TRIP11: variants seen among roughly 807,000 people sequenced by gnomAD.
TRIP11 encodes thyroid receptor-interacting protein 11.
Under a neutral mutation model 223.1 loss-of-function variants are expected in TRIP11, and 148 were observed. The observed-to-expected ratio is 0.66, with a 90% confidence interval of 0.58 to 0.76. The LOEUF (loss-of-function observed/expected upper bound fraction) is 0.76, where lower values mean the gene tolerates loss of function less well. Ranked by LOEUF, TRIP11 falls within the 30% of genes least tolerant of loss-of-function variation. The pLI, the probability that TRIP11 is intolerant of heterozygous loss-of-function variation, is 0.00. For synonymous variants in TRIP11, 762 were observed against 772.6 expected (o/e 0.99, Z 0.23); for missense variants, 2,043 against 2,222.0 (o/e 0.92, Z 1.62).
intron 9 of TRIP11, among the ~76,000 whole-genome samples, chr14:92,010,446 C>T (rs1259792477): frequency 6.6e-6 from 1 of 152,146 alleles, no homozygotes; most frequent in Admixed American, 6.5e-5. Flanking sequence ...AGGAGAATCG[C>T]TTGAACCCGG....
chr14:91,999,135 G>GA (rs1297919702), intron 13 of TRIP11, 105 bp downstream of exon 13: 2 of 1,246,550 alleles, frequency 1.6e-6, no homozygotes, highest in Non-Finnish European at 2.3e-6. Context: ...ATAAAATACA[G>GA]ATAATGAATT....
Position 92,021,743 on chromosome 14 carries a change from C to G in TRIP11, c.401G>C (p.Gly134Ala). 6.2e-7 allele frequency: 1 copy of G among 1,614,112 alleles called. No individual in the cohort carries two copies. The highest frequency in any genetic ancestry group is 8.5e-7 in the Non-Finnish European group (1 of 1,180,012). The change falls in exon 4 of 21, where the codon GGA becomes GCA. Residue 134 changes from glycine (G) to alanine (A), a missense_variant. Gly to Ala is a moderately conservative substitution (Grantham distance 60). Transcript: ENST00000267622. Reference sequence around the variant, plus strand: ...TGCAGTGGTTGCTGGTACACCAGCTCCTGAAGGTACTGACTGAGCAGCTGA... The same window carrying G: ...TGCAGTGGTTGCTGGTACACCAGCTGCTGAAGGTACTGACTGAGCAGCTGA... ...LQSAAQSVPS[G>A]AGVPATTASS...
chr14:92,010,931 C>T, intron 9 of TRIP11, 55 bp downstream of exon 9: 2 of 1,522,690 alleles, frequency 1.3e-6, no homozygotes, highest in Admixed American at 3.3e-5. Flanking sequence ...TGGCCCTTGG[C>T]TGTGACCTGT....
chr14:92,034,281 G>A (rs1298371269), intron 1 of TRIP11, among the ~76,000 whole-genome samples: 1 of 152,066 alleles, frequency 6.6e-6, no homozygotes, highest in African/African-American at 2.4e-5. Context: ...AAATTAGCCG[G>A]GTGTGGTGGC....
In TRIP11 at chr14:91,975,052, C is replaced by T. The variant is rs563271049; in HGVS notation, c.5457+120G>A. On this transcript the variant is annotated intron_variant, in intron 18 of 20. Coordinates refer to ENST00000267622, the MANE Select transcript of TRIP11 (RefSeq NM_004239.4). Reference sequence around the variant, plus strand: ...TCTTCAATGTTGTATGAAGTAATTCCATTTCCACACTGAGAAAATTACACT... The same window carrying T: ...TCTTCAATGTTGTATGAAGTAATTCTATTTCCACACTGAGAAAATTACACT... The T allele has an allele frequency of 1.4e-5, 13 of 932,080 alleles. 1 individual carries two copies. The South Asian group carries it at 1.8e-4, about 13-fold the overall frequency. 57.7% of individuals were successfully genotyped at this position (932,080 alleles called of 1,614,324 possible).
intron 5 of TRIP11, among the ~76,000 whole-genome samples, chr14:92,017,230 A>C (rs1245316144): frequency 6.6e-6 from 1 of 152,144 alleles, no homozygotes; most frequent in Non-Finnish European, 1.5e-5. Context: ...ATAAATAATA[A>C]AGAATATTAA....
At chr14:92,020,880 G>A (rs993687781) in intron 4 of TRIP11, among the ~76,000 whole-genome samples, 9 of 151,222 alleles carry the variant, frequency 6.0e-5, no homozygotes, top group Non-Finnish European at 1.3e-4. Flanking sequence ...GACCAGCCTG[G>A]CCAACATAGT....
At position 91,968,506 on chromosome 14, in the gene TRIP11, G is replaced by A. The variant is rs1032291331; in HGVS notation, c.*1167C>T. ...TCAACACCGCAGACGGAGGCAGGAA[G>A]TGGCATGTTCAGTGATTTTGCTAAT... On this transcript the variant is annotated 3_prime_UTR_variant, in exon 21 of 21. Coordinates refer to ENST00000267622, the MANE Select transcript of TRIP11 (RefSeq NM_004239.4). The A allele has an allele frequency of 4.6e-6, 1 of 217,086 alleles. No homozygotes were observed. Among genetic ancestry groups the A allele is most frequent in the African/African-American group, 2.3e-5 (1 of 44,370 alleles). The allele number at this position is 217,086 out of a possible 1,614,324, so 13.4% of individuals were successfully genotyped here. A position where few individuals can be genotyped will look rare whatever the true frequency, so the allele number is the denominator to read the frequency against.
At chr14:91,980,227 T>A (rs2140088620) in intron 16 of TRIP11, among the ~76,000 whole-genome samples, 1 of 152,344 alleles carries the variant, frequency 6.6e-6, no homozygotes, top group South Asian at 2.1e-4. Context: ...ATTTCATTTG[T>A]AATTAATGAC....
At position 92,011,837 on chromosome 14, in the gene TRIP11, A is replaced by G. The variant is rs372640498; in HGVS notation, c.1187-42T>C. On this transcript the variant is annotated intron_variant, in intron 7 of 20. Coordinates refer to ENST00000267622, the MANE Select transcript of TRIP11 (RefSeq NM_004239.4). ...TGAACTTGACATTAAAATTATTTAGAGTAACTTATTATCTTCAATATTAAA... is the reference window on the plus strand; with the variant it reads ...TGAACTTGACATTAAAATTATTTAGGGTAACTTATTATCTTCAATATTAAA... 1.9e-6 allele frequency: 3 copies of G among 1,582,922 alleles called. No homozygotes were observed. In the African/African-American group the frequency reaches 4.0e-5, roughly 21 times the overall value.
intron 16 of TRIP11, among the ~76,000 whole-genome samples, chr14:91,979,626 A>G (rs1255733180): frequency 6.6e-6 from 1 of 152,180 alleles, no homozygotes; most frequent in African/African-American, 2.4e-5. Flanking sequence ...TGCAAACTCA[A>G]GCAGTAGTTA....
chr14:92,021,845 A>G lies in TRIP11; in HGVS notation c.313-14T>C. ...GCTGATTTCTACCTATATATTTATA[A>G]TCCAAGTTTTAGAGAAGGTACTTTA... On this transcript the variant is annotated splice_polypyrimidine_tract_variant and intron_variant, in intron 3 of 20. Transcript: ENST00000267622. The G allele has an allele frequency of 6.8e-6, 11 of 1,612,288 alleles. No homozygotes were observed. Among genetic ancestry groups the G allele is most frequent in the Non-Finnish European group, 9.3e-6 (11 of 1,179,920 alleles).
At position 91,981,026 on chromosome 14, in the gene TRIP11, T is replaced by A. The variant is rs1476670168; in HGVS notation, c.5261-4837A>T. Among the ~76,000 whole-genome samples the A allele has an allele frequency of 4.7e-4, 61 of 130,652 alleles. 1 individual carries two copies. Among genetic ancestry groups the A allele is most frequent in the African/African-American group, 1.8e-3 (58 of 31,894 alleles). 85.7% of individuals were successfully genotyped at this position (130,652 alleles called of 152,430 possible). A position where few individuals can be genotyped will look rare whatever the true frequency, so the allele number is the denominator to read the frequency against. On this transcript the variant is annotated intron_variant, in intron 16 of 20. Coordinates refer to ENST00000267622, the MANE Select transcript of TRIP11 (RefSeq NM_004239.4). ...TATATATATATATTTTTTTTTTTTTTTTTTTTTTTTGAGACAGAGTCTTAC... is the reference window on the plus strand; with the variant it reads ...TATATATATATATTTTTTTTTTTTTATTTTTTTTTTGAGACAGAGTCTTAC...
rs1241572553 is a variant in TRIP11 at position 92,006,302 on chromosome 14, A to C, written c.1674T>G (p.Asp558Glu). The C allele has an allele frequency of 6.2e-7, 1 of 1,610,694 alleles. No individual in the cohort carries two copies. The highest frequency in any genetic ancestry group is 1.1e-5 in the South Asian group (1 of 90,182). ...TTTGAATTAGCTTTTCTTTCTGTAC[A>C]TCTAACTCTTTAGTAATGTCCATTT... ...DDKMDITKEL[D>E]VQKEKLIQSE... The change falls in exon 11 of 21, where the codon GAT (aspartate) becomes GAG (glutamate). Residue 558 changes from aspartate (D) to glutamate (E), a missense_variant. Coordinates refer to ENST00000267622, the MANE Select transcript of TRIP11 (RefSeq NM_004239.4).
intron 5 of TRIP11, among the ~76,000 whole-genome samples, chr14:92,017,214 C>G (rs1017206796): frequency 6.6e-6 from 1 of 151,922 alleles, no homozygotes; most frequent in African/African-American, 2.4e-5. Context: ...TTTTTATATA[C>G]TTTACATAAA....
At chr14:92,002,305 A>G (rs1046489614) in intron 11 of TRIP11, among the ~76,000 whole-genome samples, 4 of 152,214 alleles carry the variant, frequency 2.6e-5, no homozygotes, top group African/African-American at 4.8e-5. Context: ...CACTATCCAT[A>G]TAACTGCTAT....
chr14:92,039,408 G>A, intron 1 of TRIP11, 139 bp downstream of exon 1: 1 of 855,006 alleles, frequency 1.2e-6, no homozygotes, highest in Non-Finnish European at 1.8e-6. Context: ...GAAGAGGCAA[G>A]AGGAGGTGTG....
chr14:92,021,083 AAAAG>A (rs1289781370), intron 4 of TRIP11, among the ~76,000 whole-genome samples: 2 of 148,568 alleles, frequency 1.3e-5, no homozygotes, highest in Non-Finnish European at 3.0e-5. Context: ...AAAAAAAAAA[AAAAG>A]AAAGAAAGAA....
In TRIP11 at chr14:92,006,211, C is replaced by A. The variant is rs1269266177; in HGVS notation, c.1765G>T (p.Val589Leu). 6.2e-7 allele frequency: 1 copy of A among 1,613,248 alleles called. No individual in the cohort carries two copies. Among genetic ancestry groups the A allele is most frequent in the Non-Finnish European group, 8.5e-7 (1 of 1,179,784 alleles). ...TCTTGTGATTTATTTAGCTGATCTA[C>A]TAAATTTTCTACTTTGTCCTCAAGT... is the stretch of plus-strand genomic sequence containing the variant. ...QKLEDKVENL[V>L]DQLNKSQESN... The change falls in exon 11 of 21, where the codon GTA becomes TTA. Residue 589 changes from valine (V) to leucine (L), a missense_variant. By Grantham distance (32) the Val-to-Leu change is conservative. Coordinates refer to ENST00000267622, the MANE Select transcript of TRIP11 (RefSeq NM_004239.4).
Sources: allele counts gnomAD v4.1 joint callset (sites outside exome capture counted in the v4.1 genomes callset), GRCh38; gene constraint gnomAD v4.1.1; transcripts MANE v1.5; gene names NCBI Gene and HGNC (gene_info 2026-07-23, HGNC 2026-07-21).